Variants in LRRC4C observed in about 807,000 individuals in gnomAD.
The protein encoded by LRRC4C is leucine rich repeat containing 4C, also known as leucine-rich repeat-containing protein 4C.
A neutral mutation model predicts 33.6 loss-of-function variants in LRRC4C; 5 were observed. That is an observed-to-expected ratio of 0.15 (90% CI 0.08 to 0.31). The LOEUF (loss-of-function observed/expected upper bound fraction) is 0.31. Among genes scored for constraint, LRRC4C ranks in the 10% least tolerant of loss-of-function variants. LRRC4C has a pLI of 1.00. For missense variants in LRRC4C, 560 were observed against 796.7 expected, an observed-to-expected ratio of 0.70 and a Z score of 3.58; for synonymous variants, 329 against 302.0, an observed-to-expected ratio of 1.09 and a Z score of -0.93.
intron 1 of LRRC4C, among the ~76,000 whole-genome samples, chr11:41,143,029 G>T (rs546676587): frequency 1.2e-4 from 18 of 152,168 alleles, no homozygotes; most frequent in African/African-American, 4.3e-4. Flanking sequence ...ATTCAATCCT[G>T]TCTATTTCCT....
intron 2 of LRRC4C, among the ~76,000 whole-genome samples, chr11:40,799,482 G>A (rs1170481279): frequency 6.6e-6 from 1 of 152,086 alleles, no homozygotes; most frequent in Non-Finnish European, 1.5e-5. Context: ...TCCTAATACA[G>A]TCTCTTACTT....
At chr11:41,113,470 C>T (rs1941954934) in intron 1 of LRRC4C, among the ~76,000 whole-genome samples, 1 of 152,026 alleles carries the variant, frequency 6.6e-6, no homozygotes, top group African/African-American at 2.4e-5. Context: ...ATACCACAGG[C>T]AGAGACCAAA....
intron 2 of LRRC4C, among the ~76,000 whole-genome samples, chr11:40,877,614 A>G (rs1275504911): frequency 6.6e-6 from 1 of 152,178 alleles, no homozygotes; most frequent in Non-Finnish European, 1.5e-5. Flanking sequence ...AAATATCTTT[A>G]GTAGCTGGCA....
chr11:41,171,859 C>T (rs191099737), intron 1 of LRRC4C, among the ~76,000 whole-genome samples: 3 of 151,962 alleles, frequency 2.0e-5, no homozygotes, highest in Admixed American at 1.3e-4. Flanking sequence ...TTATGACAAG[C>T]AGACTGAAAA....
At chr11:41,384,066 T>C (rs1953260267) in intron 1 of LRRC4C, among the ~76,000 whole-genome samples, 1 of 151,932 alleles carries the variant, frequency 6.6e-6, no homozygotes, top group Non-Finnish European at 1.5e-5. Flanking sequence ...ACAATTTTGG[T>C]AATGAAAGAT....
At chr11:40,984,363 AAAAGAAAGAAAGAAAGAAAGAAAG>A (rs61226519) in intron 1 of LRRC4C, among the ~76,000 whole-genome samples, 25 of 120,402 alleles carry the variant, frequency 2.1e-4, no homozygotes, top group African/African-American at 2.9e-4. Flanking sequence ...AAAGAAAGAA[AAAAGAAAGAAAGAAAGAAAGAAAG>A]AAAGAAAGAA....
intron 2 of LRRC4C, among the ~76,000 whole-genome samples, chr11:40,666,076 A>G (rs1221191341): frequency 6.6e-6 from 1 of 152,090 alleles, no homozygotes; most frequent in Non-Finnish European, 1.5e-5. Flanking sequence ...GTAAACAATT[A>G]GATGCCCTTC....
intron 1 of LRRC4C, among the ~76,000 whole-genome samples, chr11:41,406,067 G>A (rs913052955): frequency 1.3e-5 from 2 of 150,508 alleles, no homozygotes; most frequent in African/African-American, 2.4e-5. Context: ...AGTTGCAAAT[G>A]GTATAGAGGG....
intron 2 of LRRC4C, among the ~76,000 whole-genome samples, chr11:40,810,142 C>T (rs1293336475): frequency 6.6e-6 from 1 of 152,128 alleles, no homozygotes; most frequent in Admixed American, 6.6e-5. Flanking sequence ...TTACTCAAAT[C>T]ACTATTGTTC....
intron 3 of LRRC4C, among the ~76,000 whole-genome samples, chr11:40,413,281 G>A (rs780023954): frequency 2.0e-5 from 3 of 152,000 alleles, no homozygotes; most frequent in Non-Finnish European, 4.4e-5. Context: ...GACTGCATCA[G>A]ACAAGGCAAT....
chr11:41,074,196 A>G (rs1321734723), intron 1 of LRRC4C, among the ~76,000 whole-genome samples: 1 of 152,218 alleles, frequency 6.6e-6, no homozygotes, highest in Non-Finnish European at 1.5e-5. Context: ...TGAAAAACTT[A>G]AGAGTACTAA....
intron 2 of LRRC4C, among the ~76,000 whole-genome samples, chr11:40,759,546 G>T (rs1280207920): frequency 2.0e-5 from 3 of 151,622 alleles, no homozygotes; most frequent in African/African-American, 7.3e-5. Flanking sequence ...AAGTAATTGC[G>T]GTTTTTGTCA....
intron 1 of LRRC4C, among the ~76,000 whole-genome samples, chr11:41,431,991 G>A (rs907198530): frequency 2.6e-5 from 4 of 152,076 alleles, no homozygotes; most frequent in Admixed American, 6.6e-5. Flanking sequence ...ATTCATTTCC[G>A]CTAGAGGGGC....
chr11:40,632,568 G>A (rs1264410351), intron 3 of LRRC4C, among the ~76,000 whole-genome samples: 2 of 152,236 alleles, frequency 1.3e-5, no homozygotes, highest in Admixed American at 6.5e-5. Flanking sequence ...GGACATAGAT[G>A]AGAAGACACT....
rs183157529 is a variant in LRRC4C, at chr11:40,238,615, A to G, written c.-96+2904T>C. On this transcript the variant is annotated intron_variant, in intron 5 of 6. Coordinates refer to ENST00000528697, the MANE Select transcript of LRRC4C (RefSeq NM_001258419.2). ...ATACTCCAGTGTAACTTTCATGGAA[A>G]ACACTTATTTGAAAGAAAATTGTAA... Among the ~76,000 whole-genome samples the G allele has an allele frequency of 7.0e-3, 1,064 of 152,340 alleles. 5 individuals are homozygous for G. Among genetic ancestry groups the G allele is most frequent in the Non-Finnish European group, 9.8e-3 (670 of 68,030 alleles).
intron 2 of LRRC4C, among the ~76,000 whole-genome samples, chr11:40,925,635 A>G (rs1232253767): frequency 6.6e-6 from 1 of 152,216 alleles, no homozygotes; most frequent in Non-Finnish European, 1.5e-5. Context: ...ATAGGGAAAA[A>G]TATTTTATAT....
chr11:41,414,744 T>C (rs7937833), intron 1 of LRRC4C, among the ~76,000 whole-genome samples: 12,168 of 151,974 alleles, frequency 0.08, 1,565 homozygotes, highest in African/African-American at 0.27. Context: ...AGAAAGATAA[T>C]AGGAAAGTAG....
intron 3 of LRRC4C, among the ~76,000 whole-genome samples, chr11:40,366,032 A>T (rs953583988): frequency 1.3e-5 from 2 of 152,064 alleles, no homozygotes; most frequent in African/African-American, 4.8e-5. Flanking sequence ...TTTAATCTCA[A>T]CATAACCAAC....
intron 1 of LRRC4C, among the ~76,000 whole-genome samples, chr11:41,151,162 A>C (rs1943982376): frequency 6.6e-6 from 1 of 152,158 alleles, no homozygotes; most frequent in Non-Finnish European, 1.5e-5. Flanking sequence ...CTGATTTAAT[A>C]AGTTTTTTGC....
Sources: gnomAD v4.1 joint callset for allele counts (sites outside exome capture counted in the v4.1 genomes callset) on GRCh38, gnomAD v4.1.1 for gene constraint, MANE v1.5 for transcripts, NCBI Gene and HGNC (gene_info 2026-07-23, HGNC 2026-07-21) for gene names.